Variants in SLC12A8 observed in about 807,000 individuals in gnomAD.
The protein encoded by SLC12A8 is solute carrier family 12 member 8.
Under a neutral mutation model 75.6 loss-of-function variants are expected in SLC12A8, and 69 were observed. The observed-to-expected ratio is 0.91, with a 90% CI of 0.75 to 1.11. SLC12A8 has a LOEUF of 1.11. Ranked by LOEUF, SLC12A8 falls within the 50% of genes most tolerant of loss-of-function variation. The pLI is 0.00. For missense variants in SLC12A8, 877 were observed against 896.7 expected (o/e 0.98, Z 0.28); for synonymous variants, 365 against 372.8 (o/e 0.98, Z 0.24).
chr3:125,187,166 A>C, intron 4 of SLC12A8, 71 bp downstream of exon 4: 1 of 1,511,654 alleles, frequency 6.6e-7, no homozygotes, highest in Non-Finnish European at 9.1e-7. Context: ...TCCCCAGGTC[A>C]AGTGAGGAAA....
chr3:125,108,352 T>C (rs1448127432), intron 9 of SLC12A8, among the ~76,000 whole-genome samples: 1 of 152,136 alleles, frequency 6.6e-6, no homozygotes, highest in African/African-American at 2.4e-5. Context: ...CAGATATTAG[T>C]TGCATTAGCA....
intron 5 of SLC12A8, among the ~76,000 whole-genome samples, chr3:125,164,222 CA>C (rs1934239403): frequency 2.0e-5 from 3 of 152,136 alleles, no homozygotes; most frequent in African/African-American, 4.8e-5. Flanking sequence ...CAGCGGGTGC[CA>C]GGGGGCACCA....
At chr3:125,100,875 C>A (rs1409290939) in intron 10 of SLC12A8, among the ~76,000 whole-genome samples, 1 of 148,012 alleles carries the variant, frequency 6.8e-6, no homozygotes, top group African/African-American at 2.5e-5. Context: ...TAGCCGGGCG[C>A]GGTGGCGGGC....
intron 5 of SLC12A8, among the ~76,000 whole-genome samples, chr3:125,177,225 AC>A (rs1468027730): frequency 2.0e-5 from 3 of 151,662 alleles, no homozygotes; most frequent in African/African-American, 7.3e-5. Context: ...TATCGCAAGG[AC>A]AAAAAACCAA....
chr3:125,138,649 GT>G (rs1367760035), intron 5 of SLC12A8, among the ~76,000 whole-genome samples: 3 of 152,108 alleles, frequency 2.0e-5, no homozygotes, highest in African/African-American at 7.2e-5. Flanking sequence ...AACTGTGGTT[GT>G]TTGTATAATG....
At chr3:125,186,851 G>T (rs1048703945) in intron 4 of SLC12A8, among the ~76,000 whole-genome samples, 6 of 152,256 alleles carry the variant, frequency 3.9e-5, no homozygotes, top group Non-Finnish European at 7.3e-5. Flanking sequence ...CTTTGGCACA[G>T]GCAAAATACC....
chr3:125,132,576 A>G (rs979497175), intron 6 of SLC12A8, among the ~76,000 whole-genome samples: 1 of 152,202 alleles, frequency 6.6e-6, no homozygotes, highest in Non-Finnish European at 1.5e-5. Flanking sequence ...GGTGCCATTT[A>G]CTGACATCAG....
intron 5 of SLC12A8, among the ~76,000 whole-genome samples, chr3:125,154,065 A>G (rs527887713): frequency 1.3e-5 from 2 of 152,156 alleles, no homozygotes; most frequent in Non-Finnish European, 2.9e-5. Flanking sequence ...GAATTTTAAA[A>G]TCAAGTTTTA....
intron 5 of SLC12A8, among the ~76,000 whole-genome samples, chr3:125,150,770 A>G (rs1933901255): frequency 6.6e-6 from 1 of 152,186 alleles, no homozygotes; most frequent in African/African-American, 2.4e-5. Flanking sequence ...GGTTTGGACT[A>G]CTGCATCAAA....
At chr3:125,197,727 T>A (rs591267) in intron 2 of SLC12A8, among the ~76,000 whole-genome samples, 135,212 of 152,238 alleles carry the variant, frequency 0.89, 60,494 homozygotes, top group Non-Finnish European at 0.95. Flanking sequence ...GTCAAGGGTA[T>A]CACTCCTGTG....
chr3:125,150,722 G>A (rs1933900027), intron 5 of SLC12A8, among the ~76,000 whole-genome samples: 1 of 152,174 alleles, frequency 6.6e-6, no homozygotes, highest in Non-Finnish European at 1.5e-5. Context: ...ACACTAGGGG[G>A]TAGGACTGAG....
At chr3:125,194,288 C>T (rs1436572979) in intron 2 of SLC12A8, among the ~76,000 whole-genome samples, 2 of 152,232 alleles carry the variant, frequency 1.3e-5, no homozygotes, top group Non-Finnish European at 2.9e-5. Flanking sequence ...TCCCAAGCCC[C>T]CAGGACAAGA....
chr3:125,164,355 G>C (rs1303052657), intron 5 of SLC12A8, among the ~76,000 whole-genome samples: 2 of 152,204 alleles, frequency 1.3e-5, no homozygotes, highest in African/African-American at 4.8e-5. Context: ...TGTAAAACTG[G>C]AATAACCATC....
intron 6 of SLC12A8, 82 bp from the exon 7 acceptor site, chr3:125,120,768 C>A: frequency 9.7e-7 from 1 of 1,025,774 alleles, no homozygotes; most frequent in Non-Finnish European, 1.5e-6. Context: ...TCCTCTCCTG[C>A]GGGACCCTCT....
chr3:125,162,464 G>A (rs1934196535), intron 5 of SLC12A8, among the ~76,000 whole-genome samples: 1 of 152,166 alleles, frequency 6.6e-6, no homozygotes, highest in Non-Finnish European at 1.5e-5. Flanking sequence ...CACGTCACCA[G>A]AGACAAAGCC....
At chr3:125,118,394 T>C (rs541900416) in intron 8 of SLC12A8, among the ~76,000 whole-genome samples, 3 of 152,150 alleles carry the variant, frequency 2.0e-5, no homozygotes, top group Non-Finnish European at 2.9e-5. Flanking sequence ...GAGGTCAAGG[T>C]GGGAGGATCA....
chr3:125,114,349 G>T (rs1939255940), intron 8 of SLC12A8, among the ~76,000 whole-genome samples: 1 of 152,124 alleles, frequency 6.6e-6, no homozygotes, highest in Non-Finnish European at 1.5e-5. Context: ...AGCTTCCAAG[G>T]TCCCTCTTGA....
chr3:125,194,334 C>T (rs778106460), intron 2 of SLC12A8, among the ~76,000 whole-genome samples: 60 of 152,176 alleles, frequency 3.9e-4, no homozygotes, highest in Non-Finnish European at 6.5e-4. Context: ...CAGGGGCCTG[C>T]GCCCCATGCT....
chr3:125,194,549 C>A (rs1278823870), intron 2 of SLC12A8, among the ~76,000 whole-genome samples: 18 of 152,186 alleles, frequency 1.2e-4, no homozygotes. Flanking sequence ...CTGGAAAGTT[C>A]TGCCAGAGGC....
Sources: gnomAD v4.1 joint callset for allele counts (sites outside exome capture counted in the v4.1 genomes callset) on GRCh38, gnomAD v4.1.1 for gene constraint, MANE v1.5 for transcripts, NCBI Gene and HGNC (gene_info 2026-07-23, HGNC 2026-07-21) for gene names.